The following DOCK9 variants were observed in gnomAD, a reference collection of about 807,000 sequenced individuals.
The protein encoded by DOCK9 is dedicator of cytokinesis protein 9.
DOCK9 carries 89 observed loss-of-function variants against 263.3 expected under a neutral mutation model. That is an observed-to-expected ratio of 0.34 (90% CI 0.28 to 0.40). The LOEUF is 0.40. DOCK9 is among the 10% of genes least tolerant of loss of function. The probability of loss-of-function intolerance (pLI) is 1.00; values close to 1 mark genes in which losing one functional copy is unlikely to be tolerated. For missense variants in DOCK9, 2,140 were observed against 2,603.4 expected, an observed-to-expected ratio of 0.82 and a Z score of 3.87; for synonymous variants, 976 against 973.1, an observed-to-expected ratio of 1.00 and a Z score of -0.06.
At chr13:99,004,578 A>C (rs1469131770) in intron 1 of DOCK9, among the ~76,000 whole-genome samples, 1 of 152,182 alleles carries the variant, frequency 6.6e-6, no homozygotes, top group African/African-American at 2.4e-5. Flanking sequence ...TATCATCGGC[A>C]ATTGGCTCCA....
intron 1 of DOCK9, among the ~76,000 whole-genome samples, chr13:99,058,740 G>A (rs922777660): frequency 6.6e-6 from 1 of 152,152 alleles, no homozygotes; most frequent in African/African-American, 2.4e-5. Context: ...GCTGGGTCAT[G>A]CTGCCCTTCA....
intron 1 of DOCK9, among the ~76,000 whole-genome samples, chr13:99,079,824 G>A (rs1424442907): frequency 5.3e-5 from 8 of 152,184 alleles, no homozygotes; most frequent in Admixed American, 5.2e-4. Flanking sequence ...TGAATCATTT[G>A]AGGTCAGGAG....
intron 19 of DOCK9, 61 bp from the exon 20 acceptor site, chr13:98,885,892 G>A: frequency 6.5e-7 from 1 of 1,527,478 alleles, no homozygotes; most frequent in Non-Finnish European, 8.8e-7. Context: ...CTCAGTGGAA[G>A]CAGAGACAGT....
chr13:98,895,537 C>T (rs1278245898), intron 15 of DOCK9, among the ~76,000 whole-genome samples: 1 of 151,036 alleles, frequency 6.6e-6, no homozygotes, highest in African/African-American at 2.4e-5. Context: ...TAGTGGTGGG[C>T]GCCTATAGTC....
At chr13:99,046,226 G>T (rs1203720658) in intron 1 of DOCK9, among the ~76,000 whole-genome samples, 1 of 152,226 alleles carries the variant, frequency 6.6e-6, no homozygotes. Flanking sequence ...GCACGGGGCA[G>T]AACAAGCCGA....
At chr13:99,073,536 C>G (rs748790833) in intron 1 of DOCK9, among the ~76,000 whole-genome samples, 11 of 152,090 alleles carry the variant, frequency 7.2e-5, no homozygotes, top group Non-Finnish European at 1.6e-4. Context: ...AAGGGTTCTC[C>G]TTGACCAGGT....
At chr13:98,866,401 T>A (rs2094025066) in intron 30 of DOCK9, among the ~76,000 whole-genome samples, 1 of 152,182 alleles carries the variant, frequency 6.6e-6, no homozygotes, top group Non-Finnish European at 1.5e-5. Flanking sequence ...ACCAGTCTGT[T>A]TGGGGGAAAC....
At chr13:99,077,530 C>A (rs779033508) in intron 1 of DOCK9, among the ~76,000 whole-genome samples, 4 of 152,124 alleles carry the variant, frequency 2.6e-5, no homozygotes, top group African/African-American at 9.7e-5. Context: ...GCCAATTAAA[C>A]CTCTTTTCTT....
At position 98,978,035 on chromosome 13, in the gene DOCK9, T is replaced by C. The variant is rs1335218046; in HGVS notation, c.-126A>G. 17 of 1,450,328 alleles carry C rather than the reference T, an allele frequency of 1.2e-5. No individual in the cohort carries two copies. In the East Asian group the frequency reaches 4.0e-4, roughly 34 times the overall value. The allele number at this position is 1,450,328 out of a possible 1,614,324, so 89.8% of individuals were successfully genotyped here. A position where few individuals can be genotyped will look rare whatever the true frequency, so the allele number is the denominator to read the frequency against. ...AAACTGGCTTCCCAGGCACAAGTGGTCAGCCCCGCTGGCTGGGTCTGCAGA... is the reference window on the plus strand; with the variant it reads ...AAACTGGCTTCCCAGGCACAAGTGGCCAGCCCCGCTGGCTGGGTCTGCAGA... On this transcript the variant is annotated 5_prime_UTR_variant, in exon 1 of 53. Transcript: ENST00000682017.
chr13:98,817,185 T>G (rs1418956442), intron 45 of DOCK9, among the ~76,000 whole-genome samples: 1 of 152,206 alleles, frequency 6.6e-6, no homozygotes, highest in East Asian at 1.9e-4. Context: ...ACAGAATTTA[T>G]GGGTGGTCTC....
Position 98,829,696 on chromosome 13 carries a change from G to A in DOCK9, c.4696C>T (p.Gln1566Ter). 1 of 1,610,690 alleles carries A rather than the reference G, an allele frequency of 6.2e-7. No individual in the cohort carries two copies. Among genetic ancestry groups the A allele is most frequent in the Admixed American group, 1.7e-5 (1 of 59,680 alleles). ...DVVGIGGTRF[Q>*]QSLSIINNCA... ...TTGTTGATGATGGACAGGGACTGCT[G>A]GAATCTGGTTCCCCCAATGCCAACA... The change falls in exon 42 of 53, where the codon CAG (glutamine) becomes TAG (stop). Residue 1566 changes from glutamine (Q) to a stop codon, truncating the protein, a stop_gained. Transcript: ENST00000682017. LOFTEE classifies it high-confidence loss of function. The surrounding 1 kb of genome is among the most constrained non-coding windows in gnomAD (Gnocchi z 4.1).
rs1329546865 is a variant in DOCK9, at chr13:98,914,379, T to C, written c.909A>G (p.Lys303=). Residue 303 remains lysine, a synonymous_variant, in exon 9 of 53, where the codon AAA becomes AAG. Coordinates refer to ENST00000682017, the MANE Select transcript of DOCK9 (RefSeq NM_001366683.2). ...CTAAACCGGAACCAGAACCTTCCAA[T>C]TTGCTTTGTTCATCATCTAAAATGG... ...GDSHEDDEQS[K]LEGSGSGLDS... 1 of 1,608,974 alleles carries C rather than the reference T, an allele frequency of 6.2e-7. No homozygotes were observed. Among genetic ancestry groups the C allele is most frequent in the Admixed American group, 1.7e-5 (1 of 59,342 alleles).
chr13:98,979,520 C>G (rs1202414566), upstream of DOCK9, among the ~76,000 whole-genome samples: 1 of 152,034 alleles, frequency 6.6e-6, no homozygotes, highest in African/African-American at 2.4e-5. Flanking sequence ...AGCTGGGTCT[C>G]TGCCACTTGA....
At chr13:98,953,918 A>T (rs970860687) in intron 2 of DOCK9, among the ~76,000 whole-genome samples, 1 of 152,192 alleles carries the variant, frequency 6.6e-6, no homozygotes, top group African/African-American at 2.4e-5. Context: ...AGAGCTAAAG[A>T]ATAATCATTT....
At chr13:98,958,262 T>C (rs1344647057) in intron 1 of DOCK9, among the ~76,000 whole-genome samples, 2 of 152,208 alleles carry the variant, frequency 1.3e-5, no homozygotes, top group African/African-American at 4.8e-5. Flanking sequence ...CTGCCACCCC[T>C]TCAGCAGCTT....
chr13:98,853,384 A>G (rs748172641), intron 35 of DOCK9, 24 bp downstream of exon 35: 6 of 1,513,152 alleles, frequency 4.0e-6, no homozygotes, highest in Non-Finnish European at 5.5e-6. Flanking sequence ...CGAGCAAAAC[A>G]GAAATCTCCA....
upstream of DOCK9, among the ~76,000 whole-genome samples, chr13:98,983,031 T>C (rs138625493): frequency 1.3e-5 from 2 of 152,318 alleles, no homozygotes; most frequent in Admixed American, 6.5e-5. Flanking sequence ...ATACGAGGAA[T>C]AAATCAATTA....
intron 1 of DOCK9, among the ~76,000 whole-genome samples, chr13:99,016,364 C>A (rs1462761927): frequency 6.6e-6 from 1 of 152,192 alleles, no homozygotes; most frequent in Non-Finnish European, 1.5e-5. Flanking sequence ...CTTCAGCCCA[C>A]CTCTACTCTT....
chr13:98,922,232 C>T (rs2052148823), intron 5 of DOCK9, 86 bp from the exon 6 acceptor site: 5 of 961,814 alleles, frequency 5.2e-6, no homozygotes, highest in South Asian at 3.0e-5. Flanking sequence ...GAAGGTCATT[C>T]CCTTTGTGCC....
Sources: allele counts gnomAD v4.1 joint callset (sites outside exome capture counted in the v4.1 genomes callset), GRCh38; gene constraint gnomAD v4.1.1; non-coding constraint Gnocchi (gnomAD v3.1); transcripts MANE v1.5; gene names NCBI Gene and HGNC (gene_info 2026-07-23, HGNC 2026-07-21).